The following GJC3 variants were observed in gnomAD, a reference collection of about 807,000 sequenced individuals.
GJC3 encodes the protein gap junction gamma-3 protein.
In GJC3, 17 loss-of-function variants were observed where a neutral mutation model predicts 19.8. That is an observed-to-expected ratio of 0.86 (90% confidence interval 0.59 to 1.29). The LOEUF is 1.29. GJC3 is among the 50% of genes most tolerant of loss of function. GJC3 has a pLI of 0.00. For missense variants in GJC3, 317 were observed against 332.5 expected, an observed-to-expected ratio of 0.95 and a Z score of 0.36; for synonymous variants, 140 against 136.5, an observed-to-expected ratio of 1.03 and a Z score of -0.18.
chr7:99,924,739 GTTGT>G (rs1819757659), intron 1 of GJC3, among the ~76,000 whole-genome samples: 1 of 152,146 alleles, frequency 6.6e-6, no homozygotes, highest in South Asian at 2.1e-4. Context: ...CCAATACTAT[GTTGT>G]TTATTTTACT....
intron 1 of GJC3, among the ~76,000 whole-genome samples, chr7:99,927,097 A>G (rs980513098): frequency 1.3e-5 from 2 of 152,146 alleles, no homozygotes; most frequent in African/African-American, 4.8e-5. Flanking sequence ...GCAAAGGAAG[A>G]CTCATCTGCA....
At position 99,923,575 on chromosome 7, in the gene GJC3, T is replaced by C. The variant is rs201875692; in HGVS notation, c.810A>G (p.Lys270=). 1.3e-5 allele frequency: 10 copies of C among 780,982 alleles called. No individual in the cohort carries two copies. The South Asian group carries it at 1.3e-4, about 10-fold the overall frequency. 48.4% of individuals were successfully genotyped at this position (780,982 alleles called of 1,614,324 possible). A position where few individuals can be genotyped will look rare whatever the true frequency, so the allele number is the denominator to read the frequency against. Residue 270 remains lysine (K), a synonymous_variant, in exon 2 of 2, where the codon AAA becomes AAG. Transcript: ENST00000312891. The part of the protein sequence containing the change: ...AVPGRSLAQE[K]QRPVGPRDA Reference sequence around the variant, plus strand: ...CATCTCTGGGTCCAACTGGTCTTTGTTTTTCCTGGGCTAAGCTTCTTCCTG... The same window carrying C: ...CATCTCTGGGTCCAACTGGTCTTTGCTTTTCCTGGGCTAAGCTTCTTCCTG...
At chr7:99,928,491 G>T (rs1819842120) in intron 1 of GJC3, among the ~76,000 whole-genome samples, 1 of 152,226 alleles carries the variant, frequency 6.6e-6, no homozygotes, top group African/African-American at 2.4e-5. Context: ...GGCAAGTCAG[G>T]TGTCTTTATA....
rs866237217 is a variant in GJC3 at position 99,923,749 on chromosome 7, C to G, written c.782-146G>C. ...AAGAGTACTACAAAGGCTTTGAAAACTGAACTGACATTGGAACCACAACCC... is the reference window on the plus strand; with the variant it reads ...AAGAGTACTACAAAGGCTTTGAAAAGTGAACTGACATTGGAACCACAACCC... On this transcript the variant is annotated intron_variant, in intron 1 of 1. Coordinates refer to ENST00000312891, the MANE Select transcript of GJC3 (RefSeq NM_181538.3). 3.4e-5 allele frequency: 23 copies of G among 677,390 alleles called. No individual in the cohort carries two copies. In the Middle Eastern group the frequency reaches 1.4e-3, roughly 42 times the overall value. The allele number at this position is 677,390 out of a possible 1,614,324, so 42.0% of individuals were successfully genotyped here.
At chr7:99,928,187 G>A (rs1819838146) in intron 1 of GJC3, among the ~76,000 whole-genome samples, 1 of 152,218 alleles carries the variant, frequency 6.6e-6, no homozygotes, top group Non-Finnish European at 1.5e-5. Flanking sequence ...GAGACAGGAA[G>A]GGGCATTATC....
intron 1 of GJC3, among the ~76,000 whole-genome samples, chr7:99,927,100 C>T (rs1391211494): frequency 1.3e-5 from 2 of 152,190 alleles, no homozygotes; most frequent in Non-Finnish European, 2.9e-5. Context: ...AAGGAAGACT[C>T]ATCTGCAAAC....
rs1819868076 is a variant in GJC3 at position 99,929,616 on chromosome 7, C to T, written c.5G>A (p.Cys2Tyr). The T allele has an allele frequency of 1.2e-6, 2 of 1,605,076 alleles. No homozygotes were observed. Among genetic ancestry groups the T allele is most frequent in the Non-Finnish European group, 1.7e-6 (2 of 1,178,362 alleles). The change falls in exon 1 of 2, where the codon TGT becomes TAT. Residue 2 changes from cysteine (C) to tyrosine (Y), a missense_variant. Physicochemically the swap from Cys to Tyr is radical, Grantham distance 194. Transcript: ENST00000312891. Reference sequence around the variant, plus strand: ...CAGCAGCCGCCGCAGGAACCTGCCACACATCCTGTTTTGGAGCAGAGGACA... The same window carrying T: ...CAGCAGCCGCCGCAGGAACCTGCCATACATCCTGTTTTGGAGCAGAGGACA... M[C>Y]GRFLRRLLAE... is the part of the protein sequence containing the mutation.
At chr7:99,928,315 A>G (rs1246374731) in intron 1 of GJC3, among the ~76,000 whole-genome samples, 3 of 152,234 alleles carry the variant, frequency 2.0e-5, no homozygotes, top group Non-Finnish European at 2.9e-5. Flanking sequence ...AAAAATTGTG[A>G]TGCTGACACC....
chr7:99,923,954 A>C (rs180976727), intron 1 of GJC3, among the ~76,000 whole-genome samples: 5 of 152,326 alleles, frequency 3.3e-5, no homozygotes, highest in South Asian at 4.1e-4. Context: ...ATCTCAACTC[A>C]CGTTGGGAAA....
In GJC3 at chr7:99,929,110, G is replaced by A. The variant is rs766648087; in HGVS notation, c.511C>T (p.Arg171Ter). 9.3e-6 allele frequency: 15 copies of A among 1,613,726 alleles called. 1 individual carries two copies. The highest frequency in any genetic ancestry group is 1.6e-4 in the Middle Eastern group (1 of 6,084). The change falls in exon 1 of 2, where the codon CGA (arginine) becomes TGA (stop). Residue 171 changes from arginine to a stop codon, truncating the protein, a stop_gained. Coordinates refer to ENST00000312891, the MANE Select transcript of GJC3 (RefSeq NM_181538.3). LOFTEE classifies it high-confidence loss of function. ...GTTATACTACCAAGGCAAGGTTCTC[G>A]GCGACATGCAAAGGAGCTGGGCATC... ...FQMPSSFACR[R>*]EPCLGSITCN...
At position 99,923,397 on chromosome 7, in the gene GJC3, A is replaced by G; in HGVS notation, c.*148T>C. The G allele has an allele frequency of 1.4e-6, 1 of 740,706 alleles. No homozygotes were observed. The highest frequency in any genetic ancestry group is 2.5e-6 in the Non-Finnish European group (1 of 400,876). The allele number at this position is 740,706 out of a possible 1,614,324, so 45.9% of individuals were successfully genotyped here. ...TTAGTCTGGTTAGCTGAGTCATTGT[A>G]TGTAGAGGTGGAGTCAAGGCAGCGC... On this transcript the variant is annotated 3_prime_UTR_variant, in exon 2 of 2. Transcript: ENST00000312891.
chr7:99,928,740 A>G (rs1434166849), intron 1 of GJC3, 100 bp downstream of exon 1: 2 of 1,116,776 alleles, frequency 1.8e-6, no homozygotes, highest in Non-Finnish European at 2.7e-6. Context: ...ACTTTGTAAC[A>G]TGCAGAAGTT....
chr7:99,930,747 C>T (rs1375019682), upstream of GJC3, among the ~76,000 whole-genome samples: 1 of 152,146 alleles, frequency 6.6e-6, no homozygotes, highest in Non-Finnish European at 1.5e-5. Context: ...GTTTCAGTTA[C>T]CCACAGTCAA....
chr7:99,929,641 A>G, upstream of GJC3: 1 of 1,588,014 alleles, frequency 6.3e-7, no homozygotes. Context: ...AGCAGAGGAC[A>G]AGAGATCAGT....
In GJC3 at chr7:99,929,312, C is replaced by T; in HGVS notation, c.309G>A (p.Trp103Ter). Reference sequence around the variant, plus strand: ...CCTCCTTCCCCTTTCCTGATAATTCCCAGTGCCAGATCACGTGATACAGAG... The same window carrying T: ...CCTCCTTCCCCTTTCCTGATAATTCTCAGTGCCAGATCACGTGATACAGAG... ...GFTLYHVIWH[W>*]ELSGKGKEEE... Residue 103 changes from tryptophan (W) to a stop codon, truncating the protein, a stop_gained, in exon 1 of 2, where the codon TGG becomes TGA. Coordinates refer to ENST00000312891, the MANE Select transcript of GJC3 (RefSeq NM_181538.3). LOFTEE classifies it high-confidence loss of function. 6.2e-7 allele frequency: 1 copy of T among 1,614,154 alleles called. No individual in the cohort carries two copies. Among genetic ancestry groups the T allele is most frequent in the South Asian group, 1.1e-5 (1 of 91,074 alleles).
intron 1 of GJC3, among the ~76,000 whole-genome samples, chr7:99,926,429 A>G (rs772994522): frequency 6.6e-6 from 1 of 152,200 alleles, no homozygotes; most frequent in Non-Finnish European, 1.5e-5. Context: ...AAACTGAAGA[A>G]TGTATAAACA....
chr7:99,926,649 T>C (rs1438383635), intron 1 of GJC3, among the ~76,000 whole-genome samples: 2 of 152,180 alleles, frequency 1.3e-5, no homozygotes, highest in African/African-American at 2.4e-5. Flanking sequence ...AACCATATGA[T>C]GGTTGCATGT....
chr7:99,925,788 T>G (rs1338189479), intron 1 of GJC3, among the ~76,000 whole-genome samples: 2 of 152,236 alleles, frequency 1.3e-5, no homozygotes, highest in African/African-American at 4.8e-5. Flanking sequence ...AAATGTTCAA[T>G]GTAATTAGCC....
chr7:99,924,815 A>G (rs1160440460), intron 1 of GJC3, among the ~76,000 whole-genome samples: 3 of 152,248 alleles, frequency 2.0e-5, no homozygotes, highest in African/African-American at 7.2e-5. Context: ...TGTCCCTTTG[A>G]CAAACTCCTG....
Sources: allele counts gnomAD v4.1 joint callset (sites outside exome capture counted in the v4.1 genomes callset), GRCh38; gene constraint gnomAD v4.1.1; transcripts MANE v1.5; gene names NCBI Gene and HGNC (gene_info 2026-07-23, HGNC 2026-07-21).